Variants in IL1RAP observed in about 807,000 individuals in gnomAD.
The protein encoded by IL1RAP is interleukin 1 receptor accessory protein.
IL1RAP carries 35 observed loss-of-function variants against 60.7 expected under a neutral mutation model. The ratio of observed to expected loss-of-function variants is 0.58; its 90% CI spans 0.44 to 0.76. The LOEUF is 0.76. IL1RAP is among the 30% of genes least tolerant of loss of function. The pLI is 0.00. For synonymous variants in IL1RAP, 268 were observed against 250.9 expected (o/e 1.07, Z -0.64); for missense variants, 572 against 693.9 (o/e 0.82, Z 1.97).
exon 12 of IL1RAP, chr3:190,658,913 G>A (rs978705375): frequency 6.6e-6 from 1 of 152,168 alleles, no homozygotes; most frequent in South Asian, 2.1e-4. Flanking sequence ...ATATCCAGTA[G>A]AAAATGACTT....
intron 1 of IL1RAP, among the ~76,000 whole-genome samples, chr3:190,526,735 A>AT (rs1341010397): frequency 2.0e-5 from 3 of 152,206 alleles, no homozygotes; most frequent in African/African-American, 7.2e-5. Context: ...TGTTTTTATT[A>AT]TTTTTTGAAC....
chr3:190,564,855 C>A (rs1266362333), intron 3 of IL1RAP, among the ~76,000 whole-genome samples: 1 of 152,086 alleles, frequency 6.6e-6, no homozygotes, highest in African/African-American at 2.4e-5. Flanking sequence ...ATAAGAGGAA[C>A]CAGCTAAGAC....
rs1178609187 is a variant in IL1RAP at position 190,649,923 on chromosome 3, A to T, written c.*1218A>T. ...TTACAGAGTGGTAAATATCTATGTT[A>T]CATGTAGATTATACATATATATACA... is the stretch of plus-strand genomic sequence containing the variant. On this transcript the variant is annotated 3_prime_UTR_variant, in exon 12 of 12. Coordinates refer to ENST00000447382, the MANE Select transcript of IL1RAP (RefSeq NM_002182.4). The T allele has an allele frequency of 5.0e-5, 47 of 939,536 alleles. No individual in the cohort carries two copies. The highest frequency in any genetic ancestry group is 5.8e-5 in the Non-Finnish European group (46 of 788,260). 58.2% of individuals were successfully genotyped at this position (939,536 alleles called of 1,614,324 possible).
At chr3:190,614,184 A>G (rs1731068012) in intron 5 of IL1RAP, among the ~76,000 whole-genome samples, 1 of 150,812 alleles carries the variant, frequency 6.6e-6, no homozygotes, top group African/African-American at 2.4e-5. Context: ...TAATCCTCAT[A>G]GACTTATTTG....
At chr3:190,592,447 C>A (rs553684369) in intron 3 of IL1RAP, among the ~76,000 whole-genome samples, 1 of 152,286 alleles carries the variant, frequency 6.6e-6, no homozygotes, top group Non-Finnish European at 1.5e-5. Context: ...AATTCAGGGT[C>A]TTTTTGCTGG....
chr3:190,621,046 C>G (rs907778482), intron 6 of IL1RAP, among the ~76,000 whole-genome samples: 2 of 152,086 alleles, frequency 1.3e-5, no homozygotes, highest in Non-Finnish European at 2.9e-5. Context: ...TGACAAACTC[C>G]TAGCAAACCC....
At chr3:190,646,753 TA>T (rs1267489449) in intron 11 of IL1RAP, among the ~76,000 whole-genome samples, 1 of 152,180 alleles carries the variant, frequency 6.6e-6, no homozygotes. Context: ...AGTTTTTTTT[TA>T]AATATTGCAT....
Position 190,538,107 on chromosome 3 carries a change from C to T in IL1RAP, c.-88-18023C>T, listed in dbSNP as rs1362608319. On this transcript the variant is annotated intron_variant, in intron 1 of 11. Coordinates refer to ENST00000447382, the MANE Select transcript of IL1RAP (RefSeq NM_002182.4). The stretch of plus-strand genomic sequence containing the variant: ...TCCTCTTCCTGTTTAGATGCAAGAT[C>T]TTCCCCATGAACCCTCCCTACCACT... Among the ~76,000 whole-genome samples the T allele has an allele frequency of 2.6e-5, 4 of 152,144 alleles. 1 individual carries two copies.
rs1281453444 is a variant in IL1RAP at position 190,602,410 on chromosome 3, C to T, written c.65-1718C>T. ...TCATTAATTACTTATAAAATGAAAA[C>T]ATATTATTTAAATTTATAAGACATT... On this transcript the variant is annotated intron_variant, in intron 3 of 11. Transcript: ENST00000447382. Among the ~76,000 whole-genome samples the T allele has an allele frequency of 2.0e-5, 3 of 152,138 alleles. No individual in the cohort carries two copies. In the East Asian group the frequency reaches 5.8e-4, roughly 29 times the overall value.
chr3:190,642,779 T>G (rs558003304), intron 9 of IL1RAP, among the ~76,000 whole-genome samples: 31 of 152,286 alleles, frequency 2.0e-4, no homozygotes, highest in African/African-American at 7.0e-4. Context: ...CAGAGACCCT[T>G]TCCGTCTTAT....
chr3:190,596,267 A>G (rs986129484), intron 3 of IL1RAP, among the ~76,000 whole-genome samples: 3 of 152,232 alleles, frequency 2.0e-5, no homozygotes, highest in Admixed American at 1.3e-4. Flanking sequence ...ATACAAATAT[A>G]TGAAGAGCTT....
intron 7 of IL1RAP, among the ~76,000 whole-genome samples, chr3:190,625,756 A>G (rs528553839): frequency 2.3e-4 from 35 of 152,336 alleles, no homozygotes; most frequent in Middle Eastern, 3.4e-3. Context: ...GAACATGGTA[A>G]GAGGCTGAAT....
chr3:190,611,906 C>A (rs571553966), intron 5 of IL1RAP, among the ~76,000 whole-genome samples: 1 of 152,026 alleles, frequency 6.6e-6, no homozygotes, highest in Non-Finnish European at 1.5e-5. Context: ...TGCAATGAAT[C>A]AACTTTAGTT....
intron 3 of IL1RAP, among the ~76,000 whole-genome samples, chr3:190,569,912 TC>T (rs1400837067): frequency 6.6e-6 from 1 of 152,180 alleles, no homozygotes; most frequent in Non-Finnish European, 1.5e-5. Context: ...GTTTTTGCTA[TC>T]CTTTCCCTCA....
intron 9 of IL1RAP, among the ~76,000 whole-genome samples, chr3:190,636,466 T>TTTTC (rs1167902774): frequency 6.6e-6 from 1 of 152,138 alleles, no homozygotes; most frequent in Non-Finnish European, 1.5e-5. Flanking sequence ...AATGTCCGTT[T>TTTTC]TTTCTCTGTT....
intron 9 of IL1RAP, among the ~76,000 whole-genome samples, chr3:190,632,774 G>A (rs538969754): frequency 6.6e-6 from 1 of 152,248 alleles, no homozygotes; most frequent in African/African-American, 2.4e-5. Flanking sequence ...TTAATACTCT[G>A]AGGTACTGGG....
rs545093641 is a variant in IL1RAP at position 190,575,422 on chromosome 3, G to C, written c.64+11069G>C. On this transcript the variant is annotated intron_variant, in intron 3 of 11. Coordinates refer to ENST00000447382, the MANE Select transcript of IL1RAP (RefSeq NM_002182.4). ...GTAAGTAAACAAATTTTTATAAGAA[G>C]TTCTCTATAGTTATAAATAAGGCAT... is the stretch of plus-strand genomic sequence containing the variant. 2.6e-5 allele frequency among the ~76,000 whole-genome samples: 4 copies of C among 152,238 alleles called. No homozygotes were observed. In the South Asian group the frequency reaches 8.3e-4, roughly 32 times the overall value.
At chr3:190,633,486 A>T (rs752424535) in intron 9 of IL1RAP, among the ~76,000 whole-genome samples, 2 of 152,066 alleles carry the variant, frequency 1.3e-5, no homozygotes, top group Non-Finnish European at 2.9e-5. Context: ...CCTCCAGAGT[A>T]GCTGCGATTA....
intron 11 of IL1RAP, among the ~76,000 whole-genome samples, chr3:190,646,207 G>T (rs184429624): frequency 6.6e-6 from 1 of 150,948 alleles, no homozygotes; most frequent in East Asian, 2.1e-4. Flanking sequence ...ACAAGACTGA[G>T]AATTTTTTTT....
Sources: allele counts gnomAD v4.1 joint callset (sites outside exome capture counted in the v4.1 genomes callset), GRCh38; gene constraint gnomAD v4.1.1; transcripts MANE v1.5; gene names NCBI Gene and HGNC (gene_info 2026-07-23, HGNC 2026-07-21).